The following NTM variants were observed in gnomAD, a reference collection of about 807,000 sequenced individuals.
NTM encodes the protein neurotrimin.
A neutral mutation model predicts 42.1 loss-of-function variants in NTM; 13 were observed. The ratio of observed to expected loss-of-function variants is 0.31; its 90% CI spans 0.20 to 0.49. The LOEUF (loss-of-function observed/expected upper bound fraction) is 0.49, where lower values mean the gene tolerates loss of function less well. Ranked by LOEUF, NTM falls within the 20% of genes least tolerant of loss-of-function variation. The pLI is 0.99. For missense variants in NTM, 373 were observed against 452.8 expected, an observed-to-expected ratio of 0.82 and a Z score of 1.60; for synonymous variants, 187 against 179.2, an observed-to-expected ratio of 1.04 and a Z score of -0.35.
chr11:132,075,651 G>T lies in NTM; in HGVS notation c.168-70631G>T, dbSNP rs1050234774. Among the ~76,000 whole-genome samples, 5 of 152,248 alleles carry T rather than the reference G, an allele frequency of 3.3e-5. No individual in the cohort carries two copies. In the East Asian group the frequency reaches 9.7e-4, roughly 29 times the overall value. ...ATTAGCCTGGAGAGTATAGATAATT[G>T]CAGTCTACACAGAAATCTAAAAATA... On this transcript the variant is annotated intron_variant, in intron 2 of 8. Coordinates refer to ENST00000683400, the MANE Select transcript of NTM (RefSeq NM_001352005.2).
At chr11:132,123,860 G>C (rs1357352232) in intron 2 of NTM, among the ~76,000 whole-genome samples, 1 of 152,084 alleles carries the variant, frequency 6.6e-6, no homozygotes, top group African/African-American at 2.4e-5. Flanking sequence ...CATTCCTTAG[G>C]ACTCTGCACC....
intron 4 of NTM, among the ~76,000 whole-genome samples, chr11:132,292,016 CAGT>C (rs1186091339): frequency 1.3e-5 from 2 of 152,232 alleles, no homozygotes; most frequent in Admixed American, 6.5e-5. Context: ...CAGTGGAAAA[CAGT>C]GGTGTTAAGG....
At chr11:132,247,473 C>T (rs1436725263) in intron 4 of NTM, among the ~76,000 whole-genome samples, 1 of 152,156 alleles carries the variant, frequency 6.6e-6, no homozygotes, top group Non-Finnish European at 1.5e-5. Flanking sequence ...AACTTAGATA[C>T]TTTTGCTTCC....
chr11:131,881,338 C>A (rs966877533), intron 1 of NTM, among the ~76,000 whole-genome samples: 12 of 152,148 alleles, frequency 7.9e-5, no homozygotes, highest in African/African-American at 2.4e-4. Flanking sequence ...GTGAAAGGTA[C>A]ATGGATTTGA....
intron 1 of NTM, among the ~76,000 whole-genome samples, chr11:131,545,547 T>C (rs1202415900): frequency 6.6e-6 from 1 of 152,232 alleles, no homozygotes; most frequent in African/African-American, 2.4e-5. Flanking sequence ...AGCATCAGTC[T>C]TCTTGACATC....
At chr11:131,755,600 T>A (rs1305587087) in intron 1 of NTM, among the ~76,000 whole-genome samples, 10 of 152,244 alleles carry the variant, frequency 6.6e-5, no homozygotes, top group African/African-American at 2.2e-4. Context: ...TAACTGGGCA[T>A]CCTGTATTTT....
intron 1 of NTM, among the ~76,000 whole-genome samples, chr11:131,403,590 A>T (rs1161110423): frequency 6.6e-6 from 1 of 152,162 alleles, no homozygotes; most frequent in East Asian, 1.9e-4. Flanking sequence ...CAGAGTAACA[A>T]ATTGCAAATG....
intron 1 of NTM, among the ~76,000 whole-genome samples, chr11:131,879,787 T>A (rs905210966): frequency 6.6e-5 from 10 of 152,184 alleles, no homozygotes; most frequent in Non-Finnish European, 1.5e-4. Flanking sequence ...CTTGCAGTCT[T>A]AAATAGTTGT....
At chr11:131,533,964 C>G in intron 1 of NTM, 1 of 152,394 alleles carries the variant, frequency 6.6e-6, no homozygotes, top group East Asian at 1.9e-4. Context: ...TGTATTTCTC[C>G]GTTCACCTCT....
At chr11:131,572,189 A>AGGATAT (rs2057505793) in intron 1 of NTM, among the ~76,000 whole-genome samples, 1 of 152,166 alleles carries the variant, frequency 6.6e-6, no homozygotes, top group South Asian at 2.1e-4. Context: ...TCTTTCAGAA[A>AGGATAT]GGATATCACT....
chr11:131,726,512 CT>C (rs1251288536), intron 1 of NTM, among the ~76,000 whole-genome samples: 1 of 151,072 alleles, frequency 6.6e-6, no homozygotes, highest in Non-Finnish European at 1.5e-5. Context: ...TTACTGAAGG[CT>C]TGTTGGTTCT....
At chr11:131,940,332 C>CCT (rs2059662690) in intron 2 of NTM, among the ~76,000 whole-genome samples, 2 of 152,202 alleles carry the variant, frequency 1.3e-5, no homozygotes, top group Admixed American at 6.5e-5. Context: ...TCCTCCCAGG[C>CCT]CTCTGGTTGT....
intron 2 of NTM, among the ~76,000 whole-genome samples, chr11:132,058,743 C>A (rs1025217473): frequency 2.0e-5 from 3 of 152,214 alleles, no homozygotes; most frequent in Non-Finnish European, 4.4e-5. Flanking sequence ...GAGTCTGAGA[C>A]ATACTGACTT....
chr11:131,464,393 C>T (rs780639504), intron 1 of NTM, among the ~76,000 whole-genome samples: 2 of 152,040 alleles, frequency 1.3e-5, no homozygotes, highest in Non-Finnish European at 2.9e-5. Flanking sequence ...AAGGGGGCCC[C>T]GTCATACATT....
chr11:131,753,300 A>C (rs2082822428), intron 1 of NTM, among the ~76,000 whole-genome samples: 1 of 151,954 alleles, frequency 6.6e-6, no homozygotes, highest in East Asian at 1.9e-4. Context: ...GTGGGACTGT[A>C]AACTAGTTCA....
intron 1 of NTM, among the ~76,000 whole-genome samples, chr11:131,895,906 C>A (rs1436589037): frequency 6.6e-6 from 1 of 152,118 alleles, no homozygotes; most frequent in Non-Finnish European, 1.5e-5. Flanking sequence ...TTGTGATATG[C>A]AGGGCAACTT....
intron 1 of NTM, among the ~76,000 whole-genome samples, chr11:131,837,600 A>C (rs2043677370): frequency 6.6e-6 from 1 of 152,182 alleles, no homozygotes; most frequent in African/African-American, 2.4e-5. Context: ...CTTCTGCTAC[A>C]TTTGGCCTGG....
chr11:131,752,792 A>G (rs1466746569), intron 1 of NTM, among the ~76,000 whole-genome samples: 1 of 105,314 alleles, frequency 9.5e-6, no homozygotes, highest in Non-Finnish European at 2.1e-5. Context: ...AAAACCCTAG[A>G]AGAAAACCGC....
chr11:131,589,650 T>C (rs2059193070), intron 1 of NTM, among the ~76,000 whole-genome samples: 2 of 152,218 alleles, frequency 1.3e-5, no homozygotes, highest in Admixed American at 6.5e-5. Flanking sequence ...GATGTGTACA[T>C]GGCAGAGAGA....
Sources: gnomAD v4.1 joint callset for allele counts (sites outside exome capture counted in the v4.1 genomes callset) on GRCh38, gnomAD v4.1.1 for gene constraint, MANE v1.5 for transcripts, NCBI Gene and HGNC (gene_info 2026-07-23, HGNC 2026-07-21) for gene names.